Variants in FBXW4 observed in about 807,000 individuals in gnomAD.
FBXW4 encodes the protein F-box and WD repeat domain containing 4.
A neutral mutation model predicts 61.8 loss-of-function variants in FBXW4; 40 were observed. The observed-to-expected ratio is 0.65, with a 90% CI of 0.50 to 0.84. The LOEUF is 0.84. FBXW4 is among the 40% of genes least tolerant of loss of function. FBXW4 has a pLI of 0.00. For synonymous variants in FBXW4, 311 were observed against 313.8 expected, an observed-to-expected ratio of 0.99 and a Z score of 0.10; for missense variants, 672 against 753.8, an observed-to-expected ratio of 0.89 and a Z score of 1.27.
At chr10:101,695,235 C>T, upstream of FBXW4, 1 of 976,830 alleles carries the variant, frequency 1.0e-6, no homozygotes, top group South Asian at 4.7e-5. This position sits in a 1 kb window ranked among gnomAD's most constrained non-coding sequence, Gnocchi z 4.2. Flanking sequence ...GCACGCCCCT[C>T]ACACCTGCAG....
At position 101,612,559 on chromosome 10, in the gene FBXW4, G is replaced by A. The variant is rs948053380; in HGVS notation, c.1302-82C>T. 7 of 1,356,118 alleles carry A rather than the reference G, an allele frequency of 5.2e-6. No homozygotes were observed. In the African/African-American group the frequency reaches 9.0e-5, roughly 17 times the overall value. 84.0% of individuals were successfully genotyped at this position (1,356,118 alleles called of 1,614,324 possible). A position where few individuals can be genotyped will look rare whatever the true frequency, so the allele number is the denominator to read the frequency against. On this transcript the variant is annotated intron_variant, in intron 6 of 8. Transcript: ENST00000331272. Reference sequence around the variant, plus strand: ...CCACCTTCAGAAGGCATCAGACCTTGGGGAAATGTTCTCTTTCCTCAGCTA... The same window carrying A: ...CCACCTTCAGAAGGCATCAGACCTTAGGGAAATGTTCTCTTTCCTCAGCTA...
intron 1 of FBXW4, among the ~76,000 whole-genome samples, chr10:101,677,156 A>G (rs1202401639): frequency 2.6e-5 from 4 of 152,214 alleles, no homozygotes; most frequent in Non-Finnish European, 5.9e-5. Flanking sequence ...TTTATTATAA[A>G]TCTAAACATA....
At chr10:101,692,553 C>T (rs925363073) in intron 1 of FBXW4, among the ~76,000 whole-genome samples, 2 of 151,590 alleles carry the variant, frequency 1.3e-5, no homozygotes, top group African/African-American at 2.4e-5. Flanking sequence ...GTCGGCAGTT[C>T]GAGACCAACC....
At chr10:101,652,945 A>T (rs1222075389) in intron 5 of FBXW4, among the ~76,000 whole-genome samples, 3 of 152,070 alleles carry the variant, frequency 2.0e-5, no homozygotes, top group Non-Finnish European at 4.4e-5. Context: ...CTTTGGTGCT[A>T]ATCCCTCACA....
At chr10:101,616,638 GCAA>G (rs1428080868) in intron 6 of FBXW4, among the ~76,000 whole-genome samples, 1 of 152,252 alleles carries the variant, frequency 6.6e-6, no homozygotes, top group African/African-American at 2.4e-5. Context: ...GGCAGGAGCA[GCAA>G]CAACAAAGGT....
At position 101,612,318 on chromosome 10, in the gene FBXW4, C is replaced by T. The variant is rs1180399417; in HGVS notation, c.1442+19G>A. On this transcript the variant is annotated intron_variant, in intron 7 of 8. Coordinates refer to ENST00000331272, the MANE Select transcript of FBXW4 (RefSeq NM_022039.4). ...GTGCAGGGCCCCCACCACCTGTCCTCCCTGCCCAGCACACTCACCGGACGC... is the reference window on the plus strand; with the variant it reads ...GTGCAGGGCCCCCACCACCTGTCCTTCCTGCCCAGCACACTCACCGGACGC... The T allele has an allele frequency of 6.5e-7, 1 of 1,531,884 alleles. No homozygotes were observed. Among genetic ancestry groups the T allele is most frequent in the South Asian group, 1.3e-5 (1 of 75,506 alleles). 94.9% of individuals were successfully genotyped at this position (1,531,884 alleles called of 1,614,324 possible).
intron 6 of FBXW4, among the ~76,000 whole-genome samples, chr10:101,615,945 A>G (rs1462391989): frequency 6.6e-6 from 1 of 151,688 alleles, no homozygotes; most frequent in African/African-American, 2.4e-5. Flanking sequence ...CTGAGTCACC[A>G]CCTCCTCCAC....
rs184150913 is a variant in FBXW4, at chr10:101,646,690, C to T, written c.1235+21196G>A. On this transcript the variant is annotated intron_variant, in intron 5 of 8. Transcript: ENST00000331272. Reference sequence around the variant, plus strand: ...TTTCTCACTTTGTTCAGCACAGTAACCCAAAGGAGGCTGGAGAGAGCACTT... The same window carrying T: ...TTTCTCACTTTGTTCAGCACAGTAATCCAAAGGAGGCTGGAGAGAGCACTT... Among the ~76,000 whole-genome samples, 405 of 152,278 alleles carry T rather than the reference C, an allele frequency of 2.7e-3. 4 individuals are homozygous for T. The Middle Eastern group carries it at 0.034, about 13-fold the overall frequency.
chr10:101,656,286 A>G (rs2064184594), intron 5 of FBXW4, among the ~76,000 whole-genome samples: 1 of 152,024 alleles, frequency 6.6e-6, no homozygotes, highest in African/African-American at 2.4e-5. Flanking sequence ...TGCTTATCCT[A>G]TTGGCCAGTA....
intron 4 of FBXW4, among the ~76,000 whole-genome samples, chr10:101,670,796 G>A (rs1257084690): frequency 6.6e-6 from 1 of 152,220 alleles, no homozygotes; most frequent in Non-Finnish European, 1.5e-5. Context: ...CTCAGGATGG[G>A]GCTGGCCCCA....
At chr10:101,661,660 A>C (rs1014056398) in intron 5 of FBXW4, among the ~76,000 whole-genome samples, 1 of 152,124 alleles carries the variant, frequency 6.6e-6, no homozygotes, top group Non-Finnish European at 1.5e-5. Flanking sequence ...TTGTCCCTGC[A>C]ACTCTCTCAT....
intron 5 of FBXW4, among the ~76,000 whole-genome samples, chr10:101,656,469 G>A (rs1157302682): frequency 6.6e-6 from 1 of 152,212 alleles, no homozygotes; most frequent in African/African-American, 2.4e-5. Flanking sequence ...AATGAGCCTT[G>A]GCTTTAACAC....
At chr10:101,662,845 G>T (rs1266488476) in intron 5 of FBXW4, among the ~76,000 whole-genome samples, 1 of 152,128 alleles carries the variant, frequency 6.6e-6, no homozygotes, top group Non-Finnish European at 1.5e-5. Context: ...AGATCTATAT[G>T]CATTCACACT....
intron 1 of FBXW4, among the ~76,000 whole-genome samples, chr10:101,687,197 C>T (rs2064542715): frequency 6.6e-6 from 1 of 152,106 alleles, no homozygotes; most frequent in Non-Finnish European, 1.5e-5. Context: ...CTCATCCCCC[C>T]TACAAAACCC....
chr10:101,694,620 C>T lies in FBXW4; in HGVS notation c.486G>A (p.Glu162=). 7 of 1,433,366 alleles carry T rather than the reference C, an allele frequency of 4.9e-6. No individual in the cohort carries two copies. Among genetic ancestry groups the T allele is most frequent in the Non-Finnish European group, 6.3e-6 (7 of 1,103,312 alleles). The allele number at this position is 1,433,366 out of a possible 1,614,324, so 88.8% of individuals were successfully genotyped here. A position where few individuals can be genotyped will look rare whatever the true frequency, so the allele number is the denominator to read the frequency against. ...TGVAMAAAAG[E]EEEEEEAARE... The stretch of plus-strand genomic sequence containing the variant: ...GAGCCGCCTCCTCCTCCTCCTCCTC[C>T]TCCCCGGCCGCCGCCGCCATGGCCA... The change falls in exon 1 of 9, where the codon GAG becomes GAA. Residue 162 remains glutamate (E), a synonymous_variant. Coordinates refer to ENST00000331272, the MANE Select transcript of FBXW4 (RefSeq NM_022039.4). This position sits in a 1 kb window ranked among gnomAD's most constrained non-coding sequence, Gnocchi z 6.0.
Position 101,611,307 on chromosome 10 carries a change from TC to T in FBXW4, c.1687del (p.Asp563IlefsTer31), listed in dbSNP as rs1481655309. The T allele has an allele frequency of 6.2e-7, 1 of 1,613,792 alleles. No individual in the cohort carries two copies. Among genetic ancestry groups the T allele is most frequent in the Non-Finnish European group, 8.5e-7 (1 of 1,179,922 alleles). On this transcript the variant is annotated frameshift_variant, in exon 9 of 9. Transcript: ENST00000331272. LOFTEE classifies it high-confidence loss of function. This position sits in a 1 kb window ranked among gnomAD's most constrained non-coding sequence, Gnocchi z 4.9. ...CCCTGACGGTCATGGGTTTTGAAAA[TC>T]CAGGACGTGGAGGTTGTAAGACAGG... The part of the protein sequence containing the change: ...AALSYNLHVL[D>X]FQNP
Position 101,612,451 on chromosome 10 carries a change from C to T in FBXW4, c.1328G>A (p.Ser443Asn), listed in dbSNP as rs778670881. 6.3e-7 allele frequency: 1 copy of T among 1,590,574 alleles called. No individual in the cohort carries two copies. Among genetic ancestry groups the T allele is most frequent in the Non-Finnish European group, 8.6e-7 (1 of 1,167,848 alleles). ...NSGQLMTHLG[S>N]DFPPGAGVLD... ...CACCCCAGCCCCTGGGGGAAAGTCA[C>T]TGCCCAAGTGTGTCATCAGCTGCCC... is the stretch of plus-strand genomic sequence containing the variant. The change falls in exon 7 of 9, where the codon AGT becomes AAT. Residue 443 changes from serine to asparagine, a missense_variant. Transcript: ENST00000331272.
intron 6 of FBXW4, among the ~76,000 whole-genome samples, chr10:101,624,117 C>T (rs2063889026): frequency 6.6e-6 from 1 of 152,052 alleles, no homozygotes; most frequent in African/African-American, 2.4e-5. Flanking sequence ...CACACACACA[C>T]ACAGAGTGCA....
In FBXW4 at chr10:101,694,427, C is replaced by A. The variant is rs778726647; in HGVS notation, c.679G>T (p.Ala227Ser). The change falls in exon 1 of 9, where the codon GCC becomes TCC. Residue 227 changes from alanine (A) to serine (S), a missense_variant. Physicochemically the swap from Ala to Ser is moderately conservative, Grantham distance 99 (BLOSUM62 1). This residue lies in a region of FBXW4 where 311 missense variants were observed against 301.1 expected (regional missense o/e 1.03). Transcript: ENST00000331272. This position sits in a 1 kb window ranked among gnomAD's most constrained non-coding sequence, Gnocchi z 6.0. ...AAGCCGGAGTTGAGCGAGGCCCGGG[C>A]TATCCGGCGCCAGAGCAGATCGCAG... ...TSCDLLWRRI[A>S]RASLNSGFTR... The A allele has an allele frequency of 7.2e-6, 11 of 1,526,574 alleles. No homozygotes were observed. The highest frequency in any genetic ancestry group is 2.4e-5 in the South Asian group (2 of 81,646). 94.6% of individuals were successfully genotyped at this position (1,526,574 alleles called of 1,614,324 possible).
Sources: gnomAD v4.1 joint callset for allele counts (sites outside exome capture counted in the v4.1 genomes callset) on GRCh38, gnomAD v4.1.1 for gene constraint, gnomAD v4.1.1 regional missense constraint, Gnocchi (gnomAD v3.1) non-coding constraint, MANE v1.5 for transcripts, NCBI Gene and HGNC (gene_info 2026-07-23, HGNC 2026-07-21) for gene names.